Variants in PCDHA7 observed in about 807,000 individuals in gnomAD.
PCDHA7 encodes the protein protocadherin alpha-7.
Under a neutral mutation model 57.2 loss-of-function variants are expected in PCDHA7, and 37 were observed. The observed-to-expected ratio is 0.65, with a 90% CI of 0.50 to 0.85. The LOEUF (loss-of-function observed/expected upper bound fraction) is 0.85. Among genes scored for constraint, PCDHA7 ranks in the 40% least tolerant of loss-of-function variants. The pLI is 0.00. For synonymous variants in PCDHA7, 553 were observed against 558.8 expected (o/e 0.99, Z 0.15); for missense variants, 1,188 against 1,241.8 (o/e 0.96, Z 0.65).
rs10569930 is a variant in PCDHA7, at chr5:140,925,641, TATAATAATAATA to T, written c.2356-53282_2356-53271del. On this transcript the variant is annotated intron_variant, in intron 1 of 3. Coordinates refer to ENST00000525929, the MANE Select transcript of PCDHA7 (RefSeq NM_018910.3). ...TGCACATGTACCCTAGAACTTAAAG[TATAATAATAATA>T]ATAATAATAATAATAATAATAATAA... Among the ~76,000 whole-genome samples the T allele has an allele frequency of 2.0e-4, 29 of 143,352 alleles. 1 individual carries two copies. Among genetic ancestry groups the T allele is most frequent in the Admixed American group, 7.0e-4 (10 of 14,330 alleles). 94.0% of individuals were successfully genotyped at this position (143,352 alleles called of 152,430 possible). A position where few individuals can be genotyped will look rare whatever the true frequency, so the allele number is the denominator to read the frequency against.
chr5:140,926,469 C>A (rs558686220), intron 1 of PCDHA7: 1 of 162,452 alleles, frequency 6.2e-6, no homozygotes, highest in Admixed American at 6.4e-5. Context: ...TAGAAAACAC[C>A]GTTTAAGGAG....
chr5:140,857,141 G>A, intron 1 of PCDHA7: 3 of 1,598,268 alleles, frequency 1.9e-6, no homozygotes, highest in Non-Finnish European at 2.6e-6. Flanking sequence ...TGCTCAAGTG[G>A]GCACCGTCAT....
chr5:140,849,199 A>T (rs1581177103), intron 1 of PCDHA7: 1 of 1,039,344 alleles, frequency 9.6e-7, no homozygotes, highest in African/African-American at 2.0e-5. Flanking sequence ...GTACTGGACA[A>T]CAATGACAAT....
intron 1 of PCDHA7, chr5:140,875,283 CAG>C: frequency 7.3e-7 from 1 of 1,362,464 alleles, no homozygotes; most frequent in Non-Finnish European, 9.6e-7. Flanking sequence ...GAAGGTGAAA[CAG>C]GAAAATTTTT....
chr5:140,967,955 A>C (rs1422637534), intron 1 of PCDHA7: 5 of 1,614,078 alleles, frequency 3.1e-6, no homozygotes, highest in Non-Finnish European at 4.2e-6. Flanking sequence ...CTCAGGCCCC[A>C]ACCGGAAAGT....
At chr5:140,912,654 G>T (rs1411811349) in intron 1 of PCDHA7, among the ~76,000 whole-genome samples, 4 of 152,076 alleles carry the variant, frequency 2.6e-5, no homozygotes, top group Non-Finnish European at 5.9e-5. Flanking sequence ...GAATAGAAGT[G>T]GTGAAAATGG....
chr5:140,888,583 G>C (rs2061886743), intron 1 of PCDHA7, among the ~76,000 whole-genome samples: 1 of 152,184 alleles, frequency 6.6e-6, no homozygotes, highest in African/African-American at 2.4e-5. Flanking sequence ...AGATTTGTTA[G>C]TACACATTCA....
chr5:140,893,106 C>T (rs1226663436), intron 1 of PCDHA7, among the ~76,000 whole-genome samples: 3 of 152,170 alleles, frequency 2.0e-5, no homozygotes, highest in African/African-American at 4.8e-5. Flanking sequence ...GATAATATTC[C>T]GTTGTGCATA....
chr5:140,937,588 G>T (rs1414065719), intron 1 of PCDHA7, among the ~76,000 whole-genome samples: 1 of 151,364 alleles, frequency 6.6e-6, no homozygotes, highest in African/African-American at 2.4e-5. Context: ...CTGCACTCTA[G>T]CCTGGGCAAC....
chr5:140,857,262 CAT>C, intron 1 of PCDHA7: 1 of 1,598,710 alleles, frequency 6.3e-7, no homozygotes, highest in Non-Finnish European at 8.6e-7. Flanking sequence ...AATTACTACT[CAT>C]TGGTGCTGGA....
chr5:140,923,171 G>T (rs1236853762), intron 1 of PCDHA7, among the ~76,000 whole-genome samples: 1 of 152,112 alleles, frequency 6.6e-6, no homozygotes, highest in Non-Finnish European at 1.5e-5. Flanking sequence ...ATAAATTTTT[G>T]TTCAGATGCA....
chr5:140,987,228 TAATA>T (rs1459014222), intron 3 of PCDHA7, among the ~76,000 whole-genome samples: 2 of 149,038 alleles, frequency 1.3e-5, no homozygotes, highest in Non-Finnish European at 3.0e-5. Flanking sequence ...AAAAAAAAAA[TAATA>T]AATAAAGAAA....
At chr5:140,857,430 T>A in intron 1 of PCDHA7, 2 of 1,598,338 alleles carry the variant, frequency 1.3e-6, no homozygotes, top group African/African-American at 2.7e-5. Context: ...GAGTACACGG[T>A]GTTCGTGAAG....
At chr5:140,846,712 C>G (rs1014332332) in intron 1 of PCDHA7, among the ~76,000 whole-genome samples, 1 of 149,228 alleles carries the variant, frequency 6.7e-6, no homozygotes, top group Non-Finnish European at 1.5e-5. Context: ...ATTGTAATAA[C>G]CAGTCTTCAT....
At chr5:140,875,271 C>A (rs1256076154) in intron 1 of PCDHA7, 2 of 1,256,362 alleles carry the variant, frequency 1.6e-6, no homozygotes, top group Non-Finnish European at 2.1e-6. Flanking sequence ...GCTCTACACT[C>A]AGAAGGTGAA....
At chr5:140,926,961 G>A in intron 1 of PCDHA7, 1 of 1,604,688 alleles carries the variant, frequency 6.2e-7, no homozygotes, top group Non-Finnish European at 8.5e-7. Context: ...GACAGCTCGA[G>A]TACTCAGTGC....
chr5:140,858,038 G>A, intron 1 of PCDHA7: 1 of 1,596,684 alleles, frequency 6.3e-7, no homozygotes, highest in East Asian at 2.2e-5. Context: ...CACGGCCACT[G>A]TGCTTGTGTC....
chr5:140,916,053 G>T (rs1378949362), intron 1 of PCDHA7, among the ~76,000 whole-genome samples: 1 of 152,104 alleles, frequency 6.6e-6, no homozygotes, highest in African/African-American at 2.4e-5. Flanking sequence ...AGGCAGAGGT[G>T]CCTCTCCCTG....
intron 1 of PCDHA7, chr5:140,875,490 A>G: frequency 6.2e-7 from 1 of 1,612,864 alleles, no homozygotes; most frequent in Non-Finnish European, 8.5e-7. Context: ...TTATCGGACC[A>G]AGAGGCCCGG....
Sources: allele counts gnomAD v4.1 joint callset (sites outside exome capture counted in the v4.1 genomes callset), GRCh38; gene constraint gnomAD v4.1.1; transcripts MANE v1.5; gene names NCBI Gene and HGNC (gene_info 2026-07-23, HGNC 2026-07-21).